DNAH11: variants seen among roughly 807,000 people sequenced by gnomAD.
DNAH11 encodes the protein dynein axonemal heavy chain 11.
Under a neutral mutation model 526.0 loss-of-function variants are expected in DNAH11, and 442 were observed. That is an observed-to-expected ratio of 0.84 (90% CI 0.78 to 0.91). DNAH11 has a LOEUF of 0.91. Among genes scored for constraint, DNAH11 ranks in the 40% least tolerant of loss-of-function variants. DNAH11 has a pLI of 0.00. For missense variants in DNAH11, 6,989 were observed against 5,448.7 expected (o/e 1.28, Z -8.90); for synonymous variants, 2,461 against 1,935.9 (o/e 1.27, Z -7.12).
intron 67 of DNAH11, among the ~76,000 whole-genome samples, chr7:21,854,091 C>G (rs983779387): frequency 7.2e-5 from 11 of 152,098 alleles, no homozygotes; most frequent in Non-Finnish European, 1.3e-4. Context: ...ACCTAGAAAA[C>G]CGCTAGAGTT....
intron 54 of DNAH11, among the ~76,000 whole-genome samples, chr7:21,754,789 C>A (rs1005864655): frequency 1.3e-5 from 2 of 152,182 alleles, no homozygotes; most frequent in African/African-American, 4.8e-5. Flanking sequence ...AGCACCATGA[C>A]CTCTTTACCT....
intron 55 of DNAH11, among the ~76,000 whole-genome samples, chr7:21,768,327 A>G (rs1787271699): frequency 6.6e-6 from 1 of 152,222 alleles, no homozygotes; most frequent in Admixed American, 6.5e-5. Context: ...GGTTTCTACA[A>G]CGAAAAATCA....
At chr7:21,644,022 A>C (rs1015669647) in intron 28 of DNAH11, among the ~76,000 whole-genome samples, 1 of 152,214 alleles carries the variant, frequency 6.6e-6, no homozygotes, top group Non-Finnish European at 1.5e-5. Context: ...TAATGTTTGC[A>C]TGAAGAAATG....
rs780784315 is a variant in DNAH11 at position 21,636,077 on chromosome 7, G to C, written c.4707G>C (p.Gly1569=). Residue 1569 remains glycine (G), a synonymous_variant, in exon 26 of 82, where the codon GGG becomes GGC. Transcript: ENST00000409508. ...QLVKDARRFD[G]VDAEFKELMF... is the part of the protein sequence containing the mutation. Reference sequence around the variant, plus strand: ...TGAAAGATGCTAGAAGATTTGATGGGGTGGATGCTGAATTTAAGGTTTGTC... The same window carrying C: ...TGAAAGATGCTAGAAGATTTGATGGCGTGGATGCTGAATTTAAGGTTTGTC... The C allele has an allele frequency of 2.5e-6, 4 of 1,610,632 alleles. No individual in the cohort carries two copies. The South Asian group carries it at 3.3e-5, about 13-fold the overall frequency.
intron 65 of DNAH11, among the ~76,000 whole-genome samples, chr7:21,838,633 A>G (rs775340750): frequency 2.0e-5 from 3 of 152,270 alleles, no homozygotes; most frequent in Admixed American, 6.5e-5. Context: ...TCAATACTTC[A>G]TTCCATTCTA....
intron 55 of DNAH11, among the ~76,000 whole-genome samples, chr7:21,769,783 C>G (rs546992643): frequency 1.1e-3 from 164 of 152,208 alleles, no homozygotes; most frequent in African/African-American, 3.7e-3. Flanking sequence ...TGCATCCGGC[C>G]TGGATTTCAT....
At chr7:21,670,313 T>A (rs1392805607) in intron 30 of DNAH11, among the ~76,000 whole-genome samples, 2 of 152,054 alleles carry the variant, frequency 1.3e-5, no homozygotes, top group South Asian at 2.1e-4. Context: ...TAATAATTTT[T>A]AAATTTCATT....
intron 65 of DNAH11, among the ~76,000 whole-genome samples, chr7:21,823,581 C>T (rs1039223326): frequency 6.6e-6 from 1 of 151,884 alleles, no homozygotes; most frequent in African/African-American, 2.4e-5. Flanking sequence ...ATTTTTTTCT[C>T]CCCCTTACAA....
intron 77 of DNAH11, among the ~76,000 whole-genome samples, chr7:21,893,043 T>C (rs1562607536): frequency 6.6e-6 from 1 of 152,260 alleles, no homozygotes; most frequent in Non-Finnish European, 1.5e-5. Context: ...TTGAATTCTA[T>C]ATGAATATAA....
intron 2 of DNAH11, among the ~76,000 whole-genome samples, chr7:21,557,458 C>A (rs1439448580): frequency 5.3e-5 from 8 of 152,132 alleles, no homozygotes; most frequent in Admixed American, 5.2e-4. Flanking sequence ...AAGGCTGCTT[C>A]ATGGTTTGTA....
Position 21,638,900 on chromosome 7 carries a change from G to A in DNAH11, c.4818-39G>A, listed in dbSNP as rs756441313. ...TTTTGCCGAAGTTTTAATGACTGAAGGGACAAGATATGCTTAAAAACATTT... is the reference window on the plus strand; with the variant it reads ...TTTTGCCGAAGTTTTAATGACTGAAAGGACAAGATATGCTTAAAAACATTT... On this transcript the variant is annotated intron_variant, in intron 27 of 81. Transcript: ENST00000409508. The A allele has an allele frequency of 7.6e-6, 12 of 1,571,264 alleles. No homozygotes were observed. In the South Asian group the frequency reaches 1.4e-4, roughly 19 times the overall value.
chr7:21,720,635 C>T, intron 43 of DNAH11, 90 bp from the exon 44 acceptor site: 15 of 1,386,128 alleles, frequency 1.1e-5, no homozygotes, highest in Non-Finnish European at 1.4e-5. Context: ...TATGTACTCT[C>T]TTAAGGATAA....
intron 21 of DNAH11, among the ~76,000 whole-genome samples, chr7:21,615,725 A>G (rs900873431): frequency 1.3e-5 from 2 of 152,120 alleles, no homozygotes; most frequent in Non-Finnish European, 2.9e-5. Flanking sequence ...GTTCTAGGGA[A>G]TGAGGCATAT....
chr7:21,702,767 C>G lies in DNAH11; in HGVS notation c.6238C>G (p.Leu2080Val). The G allele has an allele frequency of 1.2e-6, 2 of 1,613,468 alleles. No homozygotes were observed. Among genetic ancestry groups the G allele is most frequent in the Non-Finnish European group, 1.7e-6 (2 of 1,179,724 alleles). The change falls in exon 37 of 82, where the codon CTG becomes GTG. Residue 2080 changes from leucine (L) to valine (V), a missense_variant. By Grantham distance (32) the Leu-to-Val change is conservative. Coordinates refer to ENST00000409508, the MANE Select transcript of DNAH11 (RefSeq NM_001277115.2). Reference sequence around the variant, plus strand: ...GTCTGTCTTGGTTGTGGCTGGATCTCTGAAACGAGGAGATAAAAATAGACC... The same window carrying G: ...GTCTGTCTTGGTTGTGGCTGGATCTGTGAAACGAGGAGATAAAAATAGACC... Reference protein sequence around the residue: ...IKSVLVVAGSLKRGDKNRPED... With the variant: ...IKSVLVVAGSVKRGDKNRPED...
chr7:21,567,346 A>C (rs1397390773), intron 6 of DNAH11, among the ~76,000 whole-genome samples: 1 of 152,198 alleles, frequency 6.6e-6, no homozygotes, highest in Non-Finnish European at 1.5e-5. Context: ...ATTTATTGAT[A>C]AAGTTTTTGT....
chr7:21,564,315 T>G lies in DNAH11; in HGVS notation c.1112T>G (p.Ile371Ser). Residue 371 changes from isoleucine to serine, a missense_variant, in exon 6 of 82, where the codon ATC (isoleucine) becomes AGC (serine). Coordinates refer to ENST00000409508, the MANE Select transcript of DNAH11 (RefSeq NM_001277115.2). Reference sequence around the variant, plus strand: ...CCATTATTTCATACCATCTGTCTGATCTGGAGTCATTCCAAGTTTTATAAC... The same window carrying G: ...CCATTATTTCATACCATCTGTCTGAGCTGGAGTCATTCCAAGTTTTATAAC... ...IAPLFHTICL[I>S]WSHSKFYNTP... The G allele has an allele frequency of 6.2e-7, 1 of 1,613,694 alleles. No individual in the cohort carries two copies. The highest frequency in any genetic ancestry group is 8.5e-7 in the Non-Finnish European group (1 of 1,179,740).
At chr7:21,879,786 T>C (rs1426020386) in intron 74 of DNAH11, among the ~76,000 whole-genome samples, 6 of 151,926 alleles carry the variant, frequency 3.9e-5, no homozygotes, top group Non-Finnish European at 8.8e-5. Flanking sequence ...TTTCTAGCCA[T>C]AGAAAAGGAA....
At chr7:21,625,379 G>T (rs189205368) in intron 25 of DNAH11, among the ~76,000 whole-genome samples, 3 of 151,976 alleles carry the variant, frequency 2.0e-5, no homozygotes, top group East Asian at 3.9e-4. Context: ...TTTCATTTCT[G>T]ATTTTGAGTT....
rs1201788075 is a variant in DNAH11 at position 21,900,054 on chromosome 7, A to AAAAC, written c.13241_13244dup (p.Lys4415AsnfsTer34). ...GCGCTTGACTGCTGATGTTACCAAA[A>AAAAC]AAACAAAGGAAGATTATGGACACCC... On this transcript the variant is annotated frameshift_variant, in exon 81 of 82. Coordinates refer to ENST00000409508, the MANE Select transcript of DNAH11 (RefSeq NM_001277115.2). LOFTEE classifies it high-confidence loss of function. The AAAAC allele has an allele frequency of 6.2e-7, 1 of 1,614,008 alleles. No individual in the cohort carries two copies. The highest frequency in any genetic ancestry group is 8.5e-7 in the Non-Finnish European group (1 of 1,179,886).
Sources: gnomAD v4.1 joint callset for allele counts (sites outside exome capture counted in the v4.1 genomes callset) on GRCh38, gnomAD v4.1.1 for gene constraint, MANE v1.5 for transcripts, NCBI Gene and HGNC (gene_info 2026-07-23, HGNC 2026-07-21) for gene names.